The following PDE1A variants were observed in gnomAD, a reference collection of about 807,000 sequenced individuals.
PDE1A encodes dual specificity calcium/calmodulin-dependent 3',5'-cyclic nucleotide phosphodiesterase 1A.
A neutral mutation model predicts 61.7 loss-of-function variants in PDE1A; 35 were observed. That is an observed-to-expected ratio of 0.57 (90% CI 0.43 to 0.75). PDE1A has a LOEUF of 0.75. Ranked by LOEUF, PDE1A falls within the 30% of genes least tolerant of loss-of-function variation. The pLI is 0.00. For missense variants in PDE1A, 597 were observed against 630.6 expected, an observed-to-expected ratio of 0.95 and a Z score of 0.57; for synonymous variants, 232 against 213.2, an observed-to-expected ratio of 1.09 and a Z score of -0.77.
At chr2:182,441,739 G>A (rs1684810083) in intron 2 of PDE1A, among the ~76,000 whole-genome samples, 1 of 152,124 alleles carries the variant, frequency 6.6e-6, no homozygotes, top group South Asian at 2.1e-4. Context: ...AGAAGGTAAG[G>A]ATGCATTCAA....
intron 1 of PDE1A, among the ~76,000 whole-genome samples, chr2:182,364,477 A>AAC (rs1559379124): frequency 7.5e-6 from 1 of 132,880 alleles, no homozygotes; most frequent in African/African-American, 2.6e-5. Context: ...AAAAAAAAAA[A>AAC]AAAAAAAAAA....
Position 182,450,436 on chromosome 2 carries a change from A to G in PDE1A, c.101+71840T>C, listed in dbSNP as rs1685435078. On this transcript the variant is annotated intron_variant, in intron 2 of 14. Transcript: ENST00000410103. ...CCAATTTATGACTCCACCTCATGTC[A>G]TGTGCCTCAGTTAGCCCAGAGGCCA... Among the ~76,000 whole-genome samples the G allele has an allele frequency of 1.3e-5, 2 of 152,092 alleles. 1 individual carries two copies. Among genetic ancestry groups the G allele is most frequent in the African/African-American group, 4.8e-5 (2 of 41,432 alleles).
chr2:182,554,157 C>T, the PDE1A span, among the ~76,000 whole-genome samples: 1,067 of 152,236 alleles, frequency 7.0e-3, 4 homozygotes, highest in Non-Finnish European at 0.011. Context: ...AGGCATCTCT[C>T]AAAGGAGTCA....
At chr2:182,341,169 G>A (rs1435849711) in intron 1 of PDE1A, among the ~76,000 whole-genome samples, 2 of 152,138 alleles carry the variant, frequency 1.3e-5, no homozygotes, top group African/African-American at 4.8e-5. Context: ...CAACGTTATA[G>A]AGAGGAACAT....
chr2:182,369,108 T>C (rs935300421), intron 1 of PDE1A, among the ~76,000 whole-genome samples: 1 of 152,166 alleles, frequency 6.6e-6, no homozygotes. Flanking sequence ...CCCGTCTTTC[T>C]ATCTCAAATT....
chr2:182,663,897 TAA>T, the PDE1A span, among the ~76,000 whole-genome samples: 2 of 152,134 alleles, frequency 1.3e-5, no homozygotes, highest in Non-Finnish European at 2.9e-5. Context: ...TATAAAAATT[TAA>T]AATTTTTGAA....
At chr2:182,705,902 AT>A in the PDE1A span, among the ~76,000 whole-genome samples, 71 of 152,362 alleles carry the variant, frequency 4.7e-4, no homozygotes, top group African/African-American at 1.6e-3. Flanking sequence ...TTTCATTATT[AT>A]GCAATGATAA....
downstream of PDE1A, among the ~76,000 whole-genome samples, chr2:182,144,847 C>A (rs1055491432): frequency 3.3e-5 from 5 of 152,116 alleles, no homozygotes; most frequent in Non-Finnish European, 4.4e-5. Flanking sequence ...CTTTAAGAAC[C>A]TTTCTTAACC....
intron 1 of PDE1A, among the ~76,000 whole-genome samples, chr2:182,278,060 C>T (rs1693554264): frequency 6.6e-6 from 1 of 151,760 alleles, no homozygotes; most frequent in South Asian, 2.1e-4. Flanking sequence ...ATGACTTCTT[C>T]TTGGAAGATC....
chr2:182,407,694 T>C (rs1202848677), intron 1 of PDE1A, among the ~76,000 whole-genome samples: 1 of 152,156 alleles, frequency 6.6e-6, no homozygotes, highest in Non-Finnish European at 1.5e-5. Flanking sequence ...ATACTTTACG[T>C]AGCATATTTG....
chr2:182,235,101 A>G (rs553461073), intron 3 of PDE1A, among the ~76,000 whole-genome samples: 1 of 152,200 alleles, frequency 6.6e-6, no homozygotes, highest in African/African-American at 2.4e-5. Context: ...TTTCCATAAT[A>G]GTATCAATAA....
chr2:182,286,375 G>A (rs1035003978), intron 1 of PDE1A, among the ~76,000 whole-genome samples: 1 of 151,814 alleles, frequency 6.6e-6, no homozygotes, highest in Admixed American at 6.6e-5. Flanking sequence ...TATGTTATCT[G>A]TTCATCACCT....
At chr2:182,249,245 G>A (rs891682959) in intron 2 of PDE1A, among the ~76,000 whole-genome samples, 2 of 152,248 alleles carry the variant, frequency 1.3e-5, no homozygotes, top group African/African-American at 4.8e-5. Context: ...TCCCTTGAGA[G>A]GAAAGACCTA....
chr2:182,489,072 TA>T (rs1419246957), intron 2 of PDE1A, among the ~76,000 whole-genome samples: 2 of 152,178 alleles, frequency 1.3e-5, no homozygotes, highest in Non-Finnish European at 2.9e-5. Context: ...AGCTATTTTA[TA>T]AAAAGTGGTC....
the PDE1A span, among the ~76,000 whole-genome samples, chr2:182,538,226 A>T: frequency 2.0e-5 from 3 of 152,194 alleles, no homozygotes; most frequent in Non-Finnish European, 4.4e-5. Context: ...GACACTTCCA[A>T]TCACATTTCC....
At chr2:182,255,482 G>A (rs1019143980) in intron 2 of PDE1A, among the ~76,000 whole-genome samples, 8 of 152,018 alleles carry the variant, frequency 5.3e-5, no homozygotes, top group Non-Finnish European at 7.4e-5. Context: ...TTATTCATAC[G>A]TTAGCCATAA....
At chr2:182,431,136 A>C (rs1424844025), upstream of PDE1A, among the ~76,000 whole-genome samples, 13 of 151,048 alleles carry the variant, frequency 8.6e-5, no homozygotes, top group East Asian at 1.4e-3. Flanking sequence ...AAAAAAAAAA[A>C]AAAAACACAA....
At chr2:182,564,644 G>A in the PDE1A span, among the ~76,000 whole-genome samples, 1 of 152,168 alleles carries the variant, frequency 6.6e-6, no homozygotes, top group Admixed American at 6.5e-5. Flanking sequence ...ATACTGCAGA[G>A]TGTTTTCCAA....
chr2:182,653,613 A>T, the PDE1A span, among the ~76,000 whole-genome samples: 1 of 152,212 alleles, frequency 6.6e-6, no homozygotes, highest in Non-Finnish European at 1.5e-5. Flanking sequence ...TCTAGAAAAG[A>T]TAGCAATTGA....
Sources: gnomAD v4.1 joint callset for allele counts (sites outside exome capture counted in the v4.1 genomes callset) on GRCh38, gnomAD v4.1.1 for gene constraint, MANE v1.5 for transcripts, NCBI Gene and HGNC (gene_info 2026-07-23, HGNC 2026-07-21) for gene names.